The following KLF9 variants were observed in gnomAD, a reference collection of about 807,000 sequenced individuals.
KLF9 encodes the protein Krueppel-like factor 9.
Under a neutral mutation model 17.3 loss-of-function variants are expected in KLF9, and 2 were observed. The ratio of observed to expected loss-of-function variants is 0.12; its 90% CI spans 0.05 to 0.36. The LOEUF (loss-of-function observed/expected upper bound fraction) is 0.36. KLF9 is among the 10% of genes least tolerant of loss of function. The pLI is 1.00. For missense variants in KLF9, 226 were observed against 333.2 expected (o/e 0.68, Z 2.51); for synonymous variants, 138 against 139.2 (o/e 0.99, Z 0.06).
chr9:70,401,934 G>A (rs2037224910), intron 1 of KLF9, among the ~76,000 whole-genome samples: 2 of 151,830 alleles, frequency 1.3e-5, no homozygotes, highest in Admixed American at 6.6e-5. Context: ...AGAATTGCTT[G>A]AATCTAGGAG....
Position 70,386,885 on chromosome 9 carries a change from TA to T in KLF9, c.*890del, listed in dbSNP as rs1405790527. ...ATTTCTTAGGGAAACGTGTATATTG[TA>T]AAATAAGCAGATTATAACGTGGTGC... On this transcript the variant is annotated 3_prime_UTR_variant, in exon 2 of 2. Transcript: ENST00000377126. 1.3e-5 allele frequency: 2 copies of T among 152,752 alleles called. No individual in the cohort carries two copies. The highest frequency in any genetic ancestry group is 4.8e-5 in the African/African-American group (2 of 41,584). The allele number at this position is 152,752 out of a possible 1,614,324, so 9.5% of individuals were successfully genotyped here.
chr9:70,409,382 A>G, intron 1 of KLF9, among the ~76,000 whole-genome samples: 1 of 151,474 alleles, frequency 6.6e-6, no homozygotes, highest in African/African-American at 2.4e-5. Flanking sequence ...AGAGAATAAG[A>G]TGGCACCTGG....
chr9:70,401,195 T>A (rs1470304561), intron 1 of KLF9, among the ~76,000 whole-genome samples: 1 of 151,186 alleles, frequency 6.6e-6, no homozygotes, highest in African/African-American at 2.4e-5. Flanking sequence ...AAAAATTTTT[T>A]AAATTAGCTG....
intron 1 of KLF9, among the ~76,000 whole-genome samples, chr9:70,405,777 C>T (rs931545568): frequency 6.6e-6 from 1 of 152,176 alleles, no homozygotes; most frequent in African/African-American, 2.4e-5. Context: ...GGGTGCTTCT[C>T]ACTCCCTCAG....
At chr9:70,407,908 C>T (rs2037267731) in intron 1 of KLF9, among the ~76,000 whole-genome samples, 1 of 152,200 alleles carries the variant, frequency 6.6e-6, no homozygotes, top group Non-Finnish European at 1.5e-5. Flanking sequence ...TCTTCCCTAA[C>T]AGGATACTTG....
At chr9:70,396,240 T>G (rs758692769) in intron 1 of KLF9, among the ~76,000 whole-genome samples, 1 of 150,342 alleles carries the variant, frequency 6.7e-6, no homozygotes. Flanking sequence ...AATAATTAGA[T>G]AGAGACATGA....
At chr9:70,409,177 TA>T (rs2037290819) in intron 1 of KLF9, among the ~76,000 whole-genome samples, 1 of 100,840 alleles carries the variant, frequency 9.9e-6, no homozygotes, top group East Asian at 2.2e-4. Context: ...TATGTATATA[TA>T]TGTATACATA....
chr9:70,406,655 TTTC>T (rs1271506774), intron 1 of KLF9, among the ~76,000 whole-genome samples: 2 of 152,186 alleles, frequency 1.3e-5, no homozygotes, highest in Non-Finnish European at 2.9e-5. Flanking sequence ...GTGGGGTTTT[TTTC>T]TTCGTCTTCC....
intron 1 of KLF9, among the ~76,000 whole-genome samples, chr9:70,397,098 C>T (rs552668640): frequency 6.6e-6 from 1 of 152,254 alleles, no homozygotes; most frequent in East Asian, 1.9e-4. Context: ...ATTACTGGGA[C>T]ACTTCAGTAA....
intron 1 of KLF9, among the ~76,000 whole-genome samples, chr9:70,395,672 G>C (rs1315352685): frequency 6.6e-6 from 1 of 152,158 alleles, no homozygotes; most frequent in Non-Finnish European, 1.5e-5. Flanking sequence ...GGCCAGACGT[G>C]GTGGTTCATG....
chr9:70,402,923 G>C (rs1232820652), intron 1 of KLF9, among the ~76,000 whole-genome samples: 1 of 152,160 alleles, frequency 6.6e-6, no homozygotes, highest in African/African-American at 2.4e-5. Flanking sequence ...GCCGAGGCGG[G>C]TGGATCACCT....
At chr9:70,410,748 C>G (rs1369255479) in intron 1 of KLF9, among the ~76,000 whole-genome samples, 1 of 152,136 alleles carries the variant, frequency 6.6e-6, no homozygotes, top group Non-Finnish European at 1.5e-5. Flanking sequence ...CTTACCCTAC[C>G]CTAAAGTCAA....
In KLF9 at chr9:70,384,677, T is replaced by C. The variant is rs902534951; in HGVS notation, c.*3099A>G. On this transcript the variant is annotated 3_prime_UTR_variant, in exon 2 of 2. Coordinates refer to ENST00000377126, the MANE Select transcript of KLF9 (RefSeq NM_001206.4). ...AATACCTACTGTCAGAATCCTCTTTTATAATTTCATTTGATTTACAAAAAC... is the reference window on the plus strand; with the variant it reads ...AATACCTACTGTCAGAATCCTCTTTCATAATTTCATTTGATTTACAAAAAC... 6.5e-6 allele frequency: 1 copy of C among 152,672 alleles called. No homozygotes were observed. Among genetic ancestry groups the C allele is most frequent in the African/African-American group, 2.4e-5 (1 of 41,468 alleles). The allele number at this position is 152,672 out of a possible 1,614,324, so 9.5% of individuals were successfully genotyped here. A position where few individuals can be genotyped will look rare whatever the true frequency, so the allele number is the denominator to read the frequency against.
At chr9:70,402,882 GCTCA>G (rs2037231892) in intron 1 of KLF9, among the ~76,000 whole-genome samples, 1 of 152,184 alleles carries the variant, frequency 6.6e-6, no homozygotes, top group Non-Finnish European at 1.5e-5. Context: ...GGGCATGGTG[GCTCA>G]CACATGTAAT....
At chr9:70,389,452 C>A (rs1381542931) in intron 1 of KLF9, among the ~76,000 whole-genome samples, 1 of 152,110 alleles carries the variant, frequency 6.6e-6, no homozygotes, top group Admixed American at 6.5e-5. Flanking sequence ...ATGAACTGGC[C>A]CTGTCTACCA....
At chr9:70,409,771 C>T (rs997609075) in intron 1 of KLF9, among the ~76,000 whole-genome samples, 2 of 152,090 alleles carry the variant, frequency 1.3e-5, no homozygotes, top group African/African-American at 2.4e-5. Context: ...AACAATGGAT[C>T]CACTGCTTAA....
In KLF9 at chr9:70,413,327, G is replaced by A; in HGVS notation, c.37C>T (p.Gln13Ter). ...CGGTTCGAAATGGAAACCAGACACT[G>A]GGCAGCCACGAAGTCCATGTAGGCG... ...AAAYMDFVAA[Q>*]CLVSISNRAA... Residue 13 changes from glutamine (Q) to a stop codon, truncating the protein, a stop_gained, in exon 1 of 2, where the codon CAG becomes TAG. Coordinates refer to ENST00000377126, the MANE Select transcript of KLF9 (RefSeq NM_001206.4). LOFTEE classifies it high-confidence loss of function. This position sits in a 1 kb window ranked among gnomAD's most constrained non-coding sequence, Gnocchi z 5.6. 1 of 1,591,402 alleles carries A rather than the reference G, an allele frequency of 6.3e-7. No homozygotes were observed. The highest frequency in any genetic ancestry group is 2.3e-5 in the East Asian group (1 of 44,422).
At chr9:70,399,540 G>A (rs1251776264) in intron 1 of KLF9, among the ~76,000 whole-genome samples, 2 of 152,220 alleles carry the variant, frequency 1.3e-5, no homozygotes, top group African/African-American at 2.4e-5. Context: ...CAGATTCTTT[G>A]AATCTTTGCA....
intron 1 of KLF9, among the ~76,000 whole-genome samples, chr9:70,411,842 T>C (rs1294352029): frequency 6.6e-6 from 1 of 152,150 alleles, no homozygotes; most frequent in Admixed American, 6.5e-5. Context: ...CAAGCCCCGC[T>C]ACCTCTGAAT....
Sources: gnomAD v4.1 joint callset for allele counts (sites outside exome capture counted in the v4.1 genomes callset) on GRCh38, gnomAD v4.1.1 for gene constraint, Gnocchi (gnomAD v3.1) non-coding constraint, MANE v1.5 for transcripts, NCBI Gene and HGNC (gene_info 2026-07-23, HGNC 2026-07-21) for gene names.